The following NBPF12 variants were observed in gnomAD, a reference collection of about 807,000 sequenced individuals.
NBPF12 encodes NBPF family member NBPF12.
Under a neutral mutation model 146.4 loss-of-function variants are expected in NBPF12, and 115 were observed. The ratio of observed to expected loss-of-function variants is 0.79; its 90% CI spans 0.68 to 0.92. The LOEUF (loss-of-function observed/expected upper bound fraction) is 0.92. Among genes scored for constraint, NBPF12 ranks in the 40% least tolerant of loss-of-function variants. The probability of loss-of-function intolerance (pLI) is 0.00; values close to 1 mark genes in which losing one functional copy is unlikely to be tolerated. For synonymous variants in NBPF12, 385 were observed against 508.9 expected (o/e 0.76, Z 3.28); for missense variants, 1,205 against 1,326.8 (o/e 0.91, Z 1.43).
chr1:146,977,337 A>G (rs1161494395), intron 17 of NBPF12, 129 bp from the exon 21 acceptor site: 35 of 1,058,258 alleles, frequency 3.3e-5, no homozygotes, highest in Non-Finnish European at 4.7e-5. Flanking sequence ...TTCCCTCTTA[A>G]TGGGAACGTC....
Position 146,964,985 on chromosome 1 carries a change from C to G in NBPF12, c.659C>G (p.Ser220Cys), listed in dbSNP as rs1656096551. 3.8e-5 allele frequency: 61 copies of G among 1,607,112 alleles called. No homozygotes were observed. The South Asian group carries it at 6.4e-4, about 17-fold the overall frequency. Residue 220 changes from serine to cysteine, a missense_variant, in exon 8 of 34, where the codon TCC becomes TGC. Transcript: ENST00000617844. Reference sequence around the variant, plus strand: ...TCAAATAGCCACGGCCCTTGTGACTCCATCCAGCCTCACAAGAACATCAAA... The same window carrying G: ...TCAAATAGCCACGGCCCTTGTGACTGCATCCAGCCTCACAAGAACATCAAA...
At chr1:146,973,151 T>A (rs1405181831) in intron 14 of NBPF12, among the ~76,000 whole-genome samples, 191 bp downstream of exon 17, 1 of 150,434 alleles carries the variant, frequency 6.6e-6, no homozygotes, top group Non-Finnish European at 1.5e-5. Context: ...CTTTCCATGT[T>A]TGCAATCAGG....
At position 146,958,004 on chromosome 1, in the gene NBPF12, TGTGTATATATAAATAATACATATACAC is replaced by T. The variant is rs1374517417; in HGVS notation, c.-183-1843_-183-1817del. Among the ~76,000 whole-genome samples the T allele has an allele frequency of 2.2e-4, 26 of 118,660 alleles. 2 individuals are homozygous for T. Among genetic ancestry groups the T allele is most frequent in the African/African-American group, 6.7e-4 (23 of 34,324 alleles). The allele number at this position is 118,660 out of a possible 152,430, so 77.8% of individuals were successfully genotyped here. ...ATGTGTGTGTATATATATATATACA[TGTGTATATATAAATAATACATATACAC>T]GTGTATATATATTATATACATATAC... On this transcript the variant is annotated intron_variant, in intron 2 of 33. Transcript: ENST00000617844.
chr1:146,994,440 G>T (rs782415041), exon 34 of NBPF12: 4 of 1,611,958 alleles, frequency 2.5e-6, no homozygotes, highest in East Asian at 4.5e-5. Context: ...ACTCATTCCA[G>T]CACTACAGAA....
chr1:146,982,641 T>A (rs1657466641), intron 19 of NBPF12, among the ~76,000 whole-genome samples: 2 of 151,396 alleles, frequency 1.3e-5, no homozygotes, highest in Middle Eastern at 3.4e-3. Flanking sequence ...GTGTCAGTTC[T>A]CTGTGCTGCA....
exon 9 of NBPF12, chr1:146,966,644 G>A: frequency 4.0e-6 from 6 of 1,490,786 alleles, no homozygotes; most frequent in South Asian, 3.4e-5. Flanking sequence ...CAACTGGCCG[G>A]CTTCCTGGCC....
chr1:146,944,263 G>A (rs1379291125), intron 2 of NBPF12, among the ~76,000 whole-genome samples: 2 of 132,746 alleles, frequency 1.5e-5, no homozygotes, highest in African/African-American at 2.8e-5. Context: ...TGGGCTAGAG[G>A]CCCCATAATG....
rs1350359125 is a variant in NBPF12 at position 146,966,773 on chromosome 1, C to T, written c.988+100C>T. On this transcript the variant is annotated intron_variant, in intron 9 of 33. Transcript: ENST00000617844. Reference sequence around the variant, plus strand: ...CTCCATCAAAAATAATGTCATCCTCCCCATACTTCTAGGAAAACAGAAATG... The same window carrying T: ...CTCCATCAAAAATAATGTCATCCTCTCCATACTTCTAGGAAAACAGAAATG... The T allele has an allele frequency of 3.9e-6, 3 of 778,638 alleles. No individual in the cohort carries two copies. The East Asian group carries it at 7.3e-5, about 19-fold the overall frequency. The allele number at this position is 778,638 out of a possible 1,614,324, so 48.2% of individuals were successfully genotyped here.
At chr1:146,965,034 C>T (rs1553885426) in exon 8 of NBPF12, 10 of 1,608,524 alleles carry the variant, frequency 6.2e-6, no homozygotes, top group Non-Finnish European at 6.8e-6. Flanking sequence ...AAGACAAAGT[C>T]AACTCAACTG....
At chr1:146,971,665 C>CTA (rs1306408860) in intron 13 of NBPF12, among the ~76,000 whole-genome samples, 1 of 150,112 alleles carries the variant, frequency 6.7e-6, no homozygotes, top group African/African-American at 2.5e-5. Context: ...TGCTGCGTGC[C>CTA]TATAGTCCCA....
intron 13 of NBPF12, among the ~76,000 whole-genome samples, chr1:146,972,435 G>A (rs1656710033): frequency 6.6e-6 from 1 of 151,334 alleles, no homozygotes; most frequent in Non-Finnish European, 1.5e-5. Flanking sequence ...AATTAAAAAA[G>A]CAAAATGAAA....
chr1:146,950,946 G>C (rs1655300041), intron 1 of NBPF12, among the ~76,000 whole-genome samples: 1 of 152,080 alleles, frequency 6.6e-6, no homozygotes, highest in Non-Finnish European at 1.5e-5. Context: ...CTGAGTCATA[G>C]AATAGGTAGT....
At chr1:146,966,642 C>G (rs1553885687) in exon 9 of NBPF12, 1 of 1,501,142 alleles carries the variant, frequency 6.7e-7, no homozygotes, top group Non-Finnish European at 9.3e-7. Flanking sequence ...CTCAACTGGC[C>G]GGCTTCCTGG....
At chr1:146,987,151 C>G in intron 24 of NBPF12, 83 bp from the exon 28 acceptor site, 1 of 644,480 alleles carries the variant, frequency 1.6e-6, no homozygotes, top group African/African-American at 1.9e-5. Flanking sequence ...GCCTGAGATC[C>G]CTGTGTGGGG....
At chr1:146,994,635 GA>G (rs1441517847) in exon 34 of NBPF12, 4 of 1,585,162 alleles carry the variant, frequency 2.5e-6, no homozygotes, top group Non-Finnish European at 3.4e-6. Flanking sequence ...GGCACCTGAA[GA>G]TTTGAATGAA....
chr1:146,985,995 A>T (rs1452903571), intron 23 of NBPF12, among the ~76,000 whole-genome samples: 1 of 151,736 alleles, frequency 6.6e-6, no homozygotes, highest in Non-Finnish European at 1.5e-5. Flanking sequence ...ACTGCATGGA[A>T]TCTTGAGCAA....
chr1:146,984,538 C>A, intron 21 of NBPF12, among the ~76,000 whole-genome samples: 2 of 150,318 alleles, frequency 1.3e-5, no homozygotes, highest in African/African-American at 5.0e-5. Flanking sequence ...CTTTGACTCC[C>A]TCATCAGTGT....
chr1:146,948,444 C>T (rs1655169741), upstream of NBPF12, among the ~76,000 whole-genome samples: 2 of 151,438 alleles, frequency 1.3e-5, no homozygotes, highest in African/African-American at 2.4e-5. Flanking sequence ...GTAACCCTAC[C>T]CCCAACCCTG....
chr1:146,958,003 A>ATG (rs1655679715), intron 2 of NBPF12, among the ~76,000 whole-genome samples: 1 of 122,640 alleles, frequency 8.2e-6, no homozygotes, highest in African/African-American at 2.8e-5. Flanking sequence ...ATATATATAC[A>ATG]TGTGTATATA....
Sources: allele counts gnomAD v4.1 joint callset (sites outside exome capture counted in the v4.1 genomes callset), GRCh38; gene constraint gnomAD v4.1.1; transcripts MANE v1.5; gene names NCBI Gene and HGNC (gene_info 2026-07-23, HGNC 2026-07-21).